ILRUN: variants seen among roughly 807,000 people sequenced by gnomAD.
ILRUN encodes the protein protein ILRUN.
Under a neutral mutation model 33.8 loss-of-function variants are expected in ILRUN, and 3 were observed. The observed-to-expected ratio is 0.09, with a 90% confidence interval of 0.04 to 0.23. The LOEUF is 0.23. Among genes scored for constraint, ILRUN ranks in the 10% least tolerant of loss-of-function variants. The pLI, the probability that ILRUN is intolerant of heterozygous loss-of-function variation, is 1.00. For synonymous variants in ILRUN, 124 were observed against 138.9 expected (o/e 0.89, Z 0.75); for missense variants, 210 against 375.1 (o/e 0.56, Z 3.64).
intron 4 of ILRUN, among the ~76,000 whole-genome samples, chr6:34,600,182 CT>C (rs1228657785): frequency 1.3e-4 from 20 of 152,304 alleles, no homozygotes; most frequent in Non-Finnish European, 2.6e-4. Flanking sequence ...TAAGGCTCCC[CT>C]TTTTCCTCAG....
chr6:34,596,320 C>T lies in ILRUN; in HGVS notation c.862-5720G>A, dbSNP rs114690632. ...TCGCCCAGGCTGGAGTGCACAGGTGCGATCTCGACTCATTGCAACCTCCAC... is the reference window on the plus strand; with the variant it reads ...TCGCCCAGGCTGGAGTGCACAGGTGTGATCTCGACTCATTGCAACCTCCAC... On this transcript the variant is annotated intron_variant, in intron 4 of 4. Coordinates refer to ENST00000374023, the MANE Select transcript of ILRUN (RefSeq NM_024294.4). Among the ~76,000 whole-genome samples the T allele has an allele frequency of 1.1e-3, 163 of 152,254 alleles. 1 individual carries two copies. Among genetic ancestry groups the T allele is most frequent in the African/African-American group, 3.7e-3 (154 of 41,546 alleles).
chr6:34,608,568 C>T (rs1761681221), intron 3 of ILRUN, among the ~76,000 whole-genome samples: 1 of 152,094 alleles, frequency 6.6e-6, no homozygotes, highest in Admixed American at 6.5e-5. Context: ...TTCATAAACA[C>T]TGTGCAGTTA....
At chr6:34,649,469 T>A (rs1369855775) in intron 2 of ILRUN, among the ~76,000 whole-genome samples, 1 of 152,186 alleles carries the variant, frequency 6.6e-6, no homozygotes, top group East Asian at 1.9e-4. Context: ...CCTAGTTAAG[T>A]ATCACAATCA....
rs1327912083 is a variant in ILRUN, at chr6:34,606,489, C to G, written c.861+66G>C. The G allele has an allele frequency of 4.5e-6, 6 of 1,329,194 alleles. No homozygotes were observed. The African/African-American group carries it at 8.8e-5, about 19-fold the overall frequency. The allele number at this position is 1,329,194 out of a possible 1,614,324, so 82.3% of individuals were successfully genotyped here. A position where few individuals can be genotyped will look rare whatever the true frequency, so the allele number is the denominator to read the frequency against. On this transcript the variant is annotated intron_variant, in intron 4 of 4. Transcript: ENST00000374023. ...GCGGCAGTCTAGGATTCTAGGTTTGCCATGAAGGGGTATCACAAGTCCCAA... is the reference window on the plus strand; with the variant it reads ...GCGGCAGTCTAGGATTCTAGGTTTGGCATGAAGGGGTATCACAAGTCCCAA...
Position 34,590,566 on chromosome 6 carries a change from T to C in ILRUN, c.896A>G (p.Ter299=), listed in dbSNP as rs1017759343. 5.0e-6 allele frequency: 8 copies of C among 1,613,960 alleles called. No homozygotes were observed. In the Admixed American group the frequency reaches 6.7e-5, roughly 13 times the overall value. The stretch of plus-strand genomic sequence containing the variant: ...ATTTTTCTTCTTGCTGACACCCGTT[T>C]AAGACTGGCCGAAGGGGTAAGGCCC... ...LHGPYPFGQS[*] The change falls in exon 5 of 5, where the codon TAA becomes TGA. Residue 299 remains the stop codon, a stop_retained_variant. Coordinates refer to ENST00000374023, the MANE Select transcript of ILRUN (RefSeq NM_024294.4).
intron 3 of ILRUN, among the ~76,000 whole-genome samples, chr6:34,628,687 G>C (rs879434348): frequency 6.6e-6 from 1 of 152,112 alleles, no homozygotes; most frequent in Non-Finnish European, 1.5e-5. Context: ...GAGGATATGT[G>C]CATCTAAGTT....
intron 3 of ILRUN, among the ~76,000 whole-genome samples, chr6:34,618,938 C>T (rs921152131): frequency 3.3e-5 from 5 of 152,100 alleles, no homozygotes; most frequent in South Asian, 2.1e-4. Flanking sequence ...AGCCTAGTGA[C>T]GAGTGTTTCA....
chr6:34,612,853 T>C (rs951048901), intron 3 of ILRUN, among the ~76,000 whole-genome samples: 1 of 152,052 alleles, frequency 6.6e-6, no homozygotes, highest in Non-Finnish European at 1.5e-5. Context: ...CCATCCTGGC[T>C]AACACGGTGA....
Position 34,588,000 on chromosome 6 carries a change from G to A in ILRUN, c.*2565C>T, listed in dbSNP as rs906548495. On this transcript the variant is annotated 3_prime_UTR_variant, in exon 5 of 5. Transcript: ENST00000374023. ...AAGAGGAGCAGGGACTATTGGGGCT[G>A]AGAGGTAGCCACTACCACCCCACTA... is the stretch of plus-strand genomic sequence containing the variant. 1.6e-4 allele frequency: 64 copies of A among 398,358 alleles called. No homozygotes were observed. Among genetic ancestry groups the A allele is most frequent in the Non-Finnish European group, 3.1e-5 (7 of 226,198 alleles). The allele number at this position is 398,358 out of a possible 1,614,324, so 24.7% of individuals were successfully genotyped here. A position where few individuals can be genotyped will look rare whatever the true frequency, so the allele number is the denominator to read the frequency against.
chr6:34,681,999 A>G (rs1319388349), intron 1 of ILRUN, among the ~76,000 whole-genome samples: 1 of 144,000 alleles, frequency 6.9e-6, no homozygotes, highest in Non-Finnish European at 1.5e-5. Flanking sequence ...TTACAGGTGC[A>G]TGCCACCACA....
At chr6:34,668,992 C>T (rs887784979) in intron 1 of ILRUN, among the ~76,000 whole-genome samples, 14 of 151,580 alleles carry the variant, frequency 9.2e-5, no homozygotes, top group African/African-American at 3.2e-4. Context: ...TACAGGTGTG[C>T]GCCACCACAC....
At chr6:34,658,951 G>A (rs1762833869) in intron 1 of ILRUN, among the ~76,000 whole-genome samples, 1 of 152,208 alleles carries the variant, frequency 6.6e-6, no homozygotes. Context: ...TGTTGGCTGT[G>A]AAGATTGCAG....
At chr6:34,667,260 CCTT>C in intron 1 of ILRUN, among the ~76,000 whole-genome samples, 1 of 152,298 alleles carries the variant, frequency 6.6e-6, no homozygotes, top group Middle Eastern at 3.4e-3. Flanking sequence ...CTCAATACCC[CCTT>C]TTTTGGATCC....
At chr6:34,691,536 T>G (rs566091121) in intron 1 of ILRUN, among the ~76,000 whole-genome samples, 38 of 152,338 alleles carry the variant, frequency 2.5e-4, no homozygotes, top group Admixed American at 7.8e-4. Flanking sequence ...GGCCCACGCC[T>G]ATAATCCCAG....
intron 2 of ILRUN, among the ~76,000 whole-genome samples, chr6:34,652,085 C>T (rs1762683077): frequency 6.6e-6 from 1 of 152,056 alleles, no homozygotes; most frequent in African/African-American, 2.4e-5. Flanking sequence ...AGCCACTGCA[C>T]CCAGCCTCTG....
intron 1 of ILRUN, chr6:34,686,957 C>A: frequency 5.1e-6 from 1 of 197,756 alleles, no homozygotes; most frequent in East Asian, 1.2e-4. Context: ...GCCAATTTCC[C>A]AGAAAAAGGT....
At chr6:34,607,249 A>G (rs566923740) in intron 3 of ILRUN, among the ~76,000 whole-genome samples, 4 of 151,602 alleles carry the variant, frequency 2.6e-5, no homozygotes, top group East Asian at 3.9e-4. Flanking sequence ...AAAGTTTCCT[A>G]GAATTGGTAT....
chr6:34,686,647 A>C (rs973259060), intron 1 of ILRUN: 1 of 212,320 alleles, frequency 4.7e-6, no homozygotes, highest in Non-Finnish European at 9.9e-6. Flanking sequence ...GAAGTATGGC[A>C]AACACCAACC....
intron 1 of ILRUN, among the ~76,000 whole-genome samples, chr6:34,678,212 G>C (rs1016669074): frequency 2.0e-5 from 3 of 151,990 alleles, no homozygotes. Context: ...GCTAATTTTT[G>C]TATTTTTTAG....
Sources: gnomAD v4.1 joint callset for allele counts (sites outside exome capture counted in the v4.1 genomes callset) on GRCh38, gnomAD v4.1.1 for gene constraint, MANE v1.5 for transcripts, NCBI Gene and HGNC (gene_info 2026-07-23, HGNC 2026-07-21) for gene names.